PIK3CB: variants seen among roughly 807,000 people sequenced by gnomAD.
PIK3CB encodes the protein phosphatidylinositol-4,5-bisphosphate 3-kinase catalytic subunit beta, also known as phosphatidylinositol 4,5-bisphosphate 3-kinase catalytic subunit beta isoform.
PIK3CB carries 39 observed loss-of-function variants against 136.8 expected under a neutral mutation model. The observed-to-expected ratio is 0.29, with a 90% CI of 0.22 to 0.37. PIK3CB has a LOEUF of 0.37. PIK3CB is among the 10% of genes least tolerant of loss of function. The pLI, the probability that PIK3CB is intolerant of heterozygous loss-of-function variation, is 1.00. For missense variants in PIK3CB, 868 were observed against 1,275.4 expected (o/e 0.68, Z 4.87); for synonymous variants, 428 against 436.6 (o/e 0.98, Z 0.25).
chr3:138,705,170 AAAAC>A (rs2044342421), intron 11 of PIK3CB, among the ~76,000 whole-genome samples: 4 of 94,610 alleles, frequency 4.2e-5, no homozygotes, highest in South Asian at 3.3e-4. Flanking sequence ...AAAAAAAAAA[AAAAC>A]AAAAAACAAA....
chr3:138,693,989 TA>T (rs1231050197), intron 14 of PIK3CB, among the ~76,000 whole-genome samples: 3 of 115,524 alleles, frequency 2.6e-5, no homozygotes, highest in African/African-American at 1.0e-4. Flanking sequence ...TATATATATA[TA>T]TATTTTAAAC....
chr3:138,739,968 C>T (rs1178308575), intron 5 of PIK3CB, among the ~76,000 whole-genome samples: 3 of 151,776 alleles, frequency 2.0e-5, no homozygotes, highest in East Asian at 3.9e-4. Context: ...TACGTAAGGA[C>T]ATAGCAAGAA....
rs565830967 is a variant in PIK3CB at position 138,831,092 on chromosome 3, C to T, written c.-122+3603G>A. Among the ~76,000 whole-genome samples the T allele has an allele frequency of 1.2e-4, 18 of 144,624 alleles. No homozygotes were observed. The South Asian group carries it at 2.8e-3, about 23-fold the overall frequency. 94.9% of individuals were successfully genotyped at this position (144,624 alleles called of 152,430 possible). On this transcript the variant is annotated intron_variant, in intron 1 of 23. Coordinates refer to ENST00000674063, the MANE Select transcript of PIK3CB (RefSeq NM_006219.3). ...GGTCAGGAGATCAAGACCGCCCTGA[C>T]TAACACGGTGAAACCCCGTCTCTAC...
At chr3:138,677,363 C>T (rs1386646910) in intron 19 of PIK3CB, among the ~76,000 whole-genome samples, 1 of 151,984 alleles carries the variant, frequency 6.6e-6, no homozygotes, top group Non-Finnish European at 1.5e-5. Context: ...CAGCCTTACT[C>T]AAGATTGAGG....
intron 4 of PIK3CB, among the ~76,000 whole-genome samples, chr3:138,748,254 A>G (rs1015748973): frequency 4.6e-5 from 7 of 152,136 alleles, no homozygotes; most frequent in African/African-American, 1.7e-4. Flanking sequence ...TTCAGGACCA[A>G]CGAAGAAAGC....
intron 2 of PIK3CB, among the ~76,000 whole-genome samples, chr3:138,783,531 C>G (rs1057050401): frequency 6.6e-6 from 1 of 152,138 alleles, no homozygotes; most frequent in Non-Finnish European, 1.5e-5. Context: ...CATCCCCCGG[C>G]CTTGGTCTCC....
intron 6 of PIK3CB, among the ~76,000 whole-genome samples, chr3:138,737,230 TA>T (rs2045127612): frequency 6.6e-6 from 1 of 151,046 alleles, no homozygotes; most frequent in Non-Finnish European, 1.5e-5. Context: ...CCATCTCTAC[TA>T]AAAATACAAA....
In PIK3CB at chr3:138,826,178, T is replaced by A. The variant is rs1174642557; in HGVS notation, c.-122+8517A>T. 21 of 1,160,308 alleles carry A rather than the reference T, an allele frequency of 1.8e-5. 1 individual carries two copies. The highest frequency in any genetic ancestry group is 2.8e-4 in the Middle Eastern group (1 of 3,608). The allele number at this position is 1,160,308 out of a possible 1,614,324, so 71.9% of individuals were successfully genotyped here. A position where few individuals can be genotyped will look rare whatever the true frequency, so the allele number is the denominator to read the frequency against. On this transcript the variant is annotated intron_variant, in intron 1 of 23. Coordinates refer to ENST00000674063, the MANE Select transcript of PIK3CB (RefSeq NM_006219.3). Reference sequence around the variant, plus strand: ...TGGTTCCTGACAAGCCGATGTATGTTGAGAGCTTCTAGGACTATCCTCCTC... The same window carrying A: ...TGGTTCCTGACAAGCCGATGTATGTAGAGAGCTTCTAGGACTATCCTCCTC...
chr3:138,783,597 A>G (rs2045944106), intron 2 of PIK3CB, among the ~76,000 whole-genome samples: 1 of 152,132 alleles, frequency 6.6e-6, no homozygotes, highest in African/African-American at 2.4e-5. Context: ...TGATATTTTA[A>G]CAGAGACAAT....
intron 1 of PIK3CB, among the ~76,000 whole-genome samples, chr3:138,816,654 C>A (rs1342189936): frequency 1.3e-5 from 2 of 151,530 alleles, no homozygotes; most frequent in African/African-American, 2.4e-5. Context: ...AAAATAGAAA[C>A]CACAAGGTGA....
intron 1 of PIK3CB, among the ~76,000 whole-genome samples, chr3:138,816,315 C>T (rs1014523219): frequency 4.7e-5 from 7 of 150,454 alleles, no homozygotes; most frequent in East Asian, 2.0e-4. Context: ...AAAAACCAGC[C>T]GGGCATGGTG....
At chr3:138,658,281 T>C (rs1457751635) in intron 21 of PIK3CB, among the ~76,000 whole-genome samples, 2 of 151,984 alleles carry the variant, frequency 1.3e-5, no homozygotes, top group African/African-American at 4.8e-5. Flanking sequence ...AGACCCCATC[T>C]CTACAAATGA....
intron 2 of PIK3CB, among the ~76,000 whole-genome samples, chr3:138,768,923 G>A (rs961342244): frequency 4.6e-5 from 7 of 152,194 alleles, no homozygotes; most frequent in African/African-American, 1.7e-4. Context: ...GGCCTTCTTG[G>A]GCCCCTAAGG....
intron 1 of PIK3CB, among the ~76,000 whole-genome samples, chr3:138,809,983 T>C (rs147995772): frequency 2.0e-5 from 3 of 152,184 alleles, no homozygotes; most frequent in African/African-American, 4.8e-5. Flanking sequence ...GAATATCTTG[T>C]AGTAATGTAA....
intron 3 of PIK3CB, 28 bp downstream of exon 3, chr3:138,759,143 AAC>A: frequency 6.9e-7 from 1 of 1,446,598 alleles, no homozygotes; most frequent in East Asian, 2.3e-5. Flanking sequence ...CAGTATGCTA[AAC>A]ACATAGAAAT....
In PIK3CB at chr3:138,657,701, T is replaced by C. The variant is rs999126072; in HGVS notation, c.2931A>G (p.Glu977=). ...VIQQGKTGNT[E]KFGRFRQCCE... Reference sequence around the variant, plus strand: ...AGGGCAGTACTCACCGGCCAAACTTTTCTGTATTTCCTGTTTTTCCTTGTT... The same window carrying C: ...AGGGCAGTACTCACCGGCCAAACTTCTCTGTATTTCCTGTTTTTCCTTGTT... Residue 977 remains glutamate, a synonymous_variant, in exon 22 of 24, where the codon GAA becomes GAG. Transcript: ENST00000674063. The C allele has an allele frequency of 6.2e-6, 10 of 1,613,942 alleles. No individual in the cohort carries two copies. Among genetic ancestry groups the C allele is most frequent in the South Asian group, 1.1e-5 (1 of 91,036 alleles).
intron 2 of PIK3CB, among the ~76,000 whole-genome samples, chr3:138,773,396 GA>G (rs1221154952): frequency 7.6e-5 from 11 of 144,734 alleles, no homozygotes; most frequent in Middle Eastern, 3.6e-3. Context: ...TACTGTCAAA[GA>G]AAAAAAAAAG....
chr3:138,695,559 GAGTATCTACC>G (rs1312595414), intron 13 of PIK3CB, among the ~76,000 whole-genome samples: 2 of 152,074 alleles, frequency 1.3e-5, no homozygotes, highest in Non-Finnish European at 2.9e-5. Flanking sequence ...ATATCTAAAT[GAGTATCTACC>G]AGCTAAGTTA....
chr3:138,824,628 G>T (rs887242821), intron 1 of PIK3CB, among the ~76,000 whole-genome samples: 1 of 151,912 alleles, frequency 6.6e-6, no homozygotes, highest in Non-Finnish European at 1.5e-5. Flanking sequence ...GGGAGGCGGA[G>T]GTTGCAGTGA....
Sources: allele counts gnomAD v4.1 joint callset (sites outside exome capture counted in the v4.1 genomes callset), GRCh38; gene constraint gnomAD v4.1.1; transcripts MANE v1.5; gene names NCBI Gene and HGNC (gene_info 2026-07-23, HGNC 2026-07-21).